Variants in REPS2 observed in about 807,000 individuals in gnomAD.
REPS2 encodes ralBP1-associated Eps domain-containing protein 2.
A neutral mutation model predicts 53.6 loss-of-function variants in REPS2; 23 were observed. The observed-to-expected ratio is 0.43, with a 90% CI of 0.31 to 0.61. The LOEUF (loss-of-function observed/expected upper bound fraction) is 0.61, where lower values mean the gene tolerates loss of function less well. REPS2 is among the 20% of genes least tolerant of loss of function. The probability of loss-of-function intolerance (pLI) is 0.11; values close to 1 mark genes in which losing one functional copy is unlikely to be tolerated. For missense variants in REPS2, 446 were observed against 534.9 expected (o/e 0.83, Z 1.64); for synonymous variants, 238 against 218.6 (o/e 1.09, Z -0.78).
chrX:17,128,399 G>A (rs750806737), intron 14 of REPS2, among the ~76,000 whole-genome samples: 2 of 108,852 alleles, frequency 1.8e-5, no homozygotes, highest in South Asian at 8.4e-4. Flanking sequence ...ATTATAGGCT[G>A]CTGGAGGTGG....
At chrX:16,964,444 C>A (rs1215946752) in intron 1 of REPS2, among the ~76,000 whole-genome samples, 4 of 108,265 alleles carry the variant, frequency 3.7e-5, no homozygotes. Flanking sequence ...CACACAGTCA[C>A]GGCAACCATC....
At chrX:17,188,578 TAGCTCTGGACAGA>T in the REPS2 span, among the ~76,000 whole-genome samples, 1 of 112,207 alleles carries the variant, frequency 8.9e-6, no homozygotes, top group Non-Finnish European at 1.9e-5. Context: ...CAGCCCTGGC[TAGCTCTGGACAGA>T]GGAAAGGAAA....
intron 1 of REPS2, among the ~76,000 whole-genome samples, chrX:16,968,640 C>T (rs778863536): frequency 9.6e-5 from 9 of 93,975 alleles, no homozygotes; most frequent in South Asian, 1.1e-3. Context: ...GCTGGCCGGG[C>T]GGGGGGCTGA....
At chrX:17,132,744 G>C (rs1569195193) in intron 14 of REPS2, among the ~76,000 whole-genome samples, 1 of 111,333 alleles carries the variant, frequency 9.0e-6, no homozygotes, top group Non-Finnish European at 1.9e-5. Context: ...CGCCATGTTG[G>C]TCGGGCTGGT....
intron 1 of REPS2, among the ~76,000 whole-genome samples, chrX:17,004,302 T>G (rs761754784): frequency 1.8e-4 from 20 of 111,577 alleles, no homozygotes; most frequent in African/African-American, 5.9e-4. Context: ...CACCTTATTT[T>G]CTTTAGATAC....
In REPS2 at chrX:17,141,618, C is replaced by T. The variant is rs182376849; in HGVS notation, c.1914+2657C>T. The stretch of plus-strand genomic sequence containing the variant: ...AGATCATTTTCCAAGGTGGTTGTAG[C>T]AATCTGTACTCCTACCACTAATGTA... On this transcript the variant is annotated intron_variant, in intron 17 of 17. Coordinates refer to ENST00000357277, the MANE Select transcript of REPS2 (RefSeq NM_004726.3). 3.5e-3 allele frequency among the ~76,000 whole-genome samples: 395 copies of T among 112,022 alleles called. 3 individuals are homozygous for T. The highest frequency in any genetic ancestry group is 0.012 in the African/African-American group (382 of 30,863).
intron 17 of REPS2, among the ~76,000 whole-genome samples, chrX:17,143,239 T>G (rs1012960004): frequency 8.9e-6 from 1 of 112,317 alleles, no homozygotes; most frequent in Admixed American, 9.4e-5. Context: ...TTTGTGGTGG[T>G]GGTTACACAA....
chrX:16,962,086 A>G (rs1429982132), intron 1 of REPS2, among the ~76,000 whole-genome samples: 2 of 111,779 alleles, frequency 1.8e-5, no homozygotes, highest in Non-Finnish European at 3.8e-5. Flanking sequence ...AAGTGCCTCA[A>G]AAAATTAAAA....
rs759181158 is a variant in REPS2 at position 17,061,508 on chromosome X, A to G, written c.1115-930A>G. ...CCTGATGGGAGTGGGAGGGTGGGGA[A>G]GGATTAAAAACAATGCCAATCCACT... On this transcript the variant is annotated intron_variant, in intron 8 of 17. Transcript: ENST00000357277. Among the ~76,000 whole-genome samples the G allele has an allele frequency of 1.5e-4, 17 of 112,655 alleles. No individual in the cohort carries two copies. In the East Asian group the frequency reaches 4.8e-3, roughly 32 times the overall value.
chrX:17,133,000 T>G (rs5924602), intron 14 of REPS2, among the ~76,000 whole-genome samples: 34,325 of 111,798 alleles, frequency 0.31, 4,852 homozygotes, highest in Middle Eastern at 0.53. Flanking sequence ...TCACCAGAAA[T>G]ACACAGTTAT....
At chrX:17,119,789 C>T (rs1011941892) in intron 14 of REPS2, among the ~76,000 whole-genome samples, 1 of 109,274 alleles carries the variant, frequency 9.2e-6, no homozygotes, top group Non-Finnish European at 1.9e-5. Flanking sequence ...CCCTGGGGGG[C>T]TCAGTTATGG....
intron 1 of REPS2, among the ~76,000 whole-genome samples, chrX:17,001,877 C>T (rs1306911447): frequency 9.0e-6 from 1 of 111,451 alleles, no homozygotes; most frequent in Non-Finnish European, 1.9e-5. Context: ...CACCAGATCT[C>T]ATGAGACTTG....
intron 1 of REPS2, among the ~76,000 whole-genome samples, chrX:16,964,743 G>C (rs2060714521): frequency 2.0e-5 from 2 of 101,698 alleles, no homozygotes; most frequent in African/African-American, 3.6e-5. Context: ...GCCGGGCAGA[G>C]GCGCCCCTCA....
At chrX:17,057,177 ATTAC>A (rs1172907835) in intron 8 of REPS2, among the ~76,000 whole-genome samples, 1 of 112,367 alleles carries the variant, frequency 8.9e-6, no homozygotes, top group Non-Finnish European at 1.9e-5. Flanking sequence ...AGAAACTTTA[ATTAC>A]TTATTAGTAG....
chrX:17,195,734 G>A, the REPS2 span, among the ~76,000 whole-genome samples: 5 of 112,014 alleles, frequency 4.5e-5, no homozygotes, highest in African/African-American at 1.6e-4. Context: ...TTCTGTCCTG[G>A]GAAGACACTT....
intron 13 of REPS2, among the ~76,000 whole-genome samples, chrX:17,079,526 G>A (rs1195969221): frequency 8.9e-6 from 1 of 111,965 alleles, no homozygotes; most frequent in Admixed American, 9.4e-5. Flanking sequence ...TATGTCAGGG[G>A]CTTCTTTAGA....
At chrX:17,046,233 G>T (rs2061904422) in intron 5 of REPS2, among the ~76,000 whole-genome samples, 1 of 108,091 alleles carries the variant, frequency 9.3e-6, no homozygotes, top group South Asian at 4.1e-4. Context: ...CTGCTCCCAG[G>T]TTCAACTTCT....
intron 16 of REPS2, chrX:17,137,632 G>T (rs1242062998): frequency 9.0e-6 from 1 of 111,411 alleles, no homozygotes; most frequent in African/African-American, 3.3e-5. Context: ...TAGAGACAAA[G>T]TCTCACTCTG....
In REPS2 at chrX:17,111,843, A is replaced by G. The variant is rs1039771419; in HGVS notation, c.1578+8064A>G. Among the ~76,000 whole-genome samples, 10 of 112,062 alleles carry G rather than the reference A, an allele frequency of 8.9e-5. No individual in the cohort carries two copies. In the Admixed American group the frequency reaches 9.5e-4, roughly 11 times the overall value. ...GATTCTATTTTGTATTCTCTGTTCA[A>G]GAATTTTTTTTGTAATATAGATAAA... On this transcript the variant is annotated intron_variant, in intron 14 of 17. Coordinates refer to ENST00000357277, the MANE Select transcript of REPS2 (RefSeq NM_004726.3).
Sources: gnomAD v4.1 joint callset for allele counts (sites outside exome capture counted in the v4.1 genomes callset) on GRCh38, gnomAD v4.1.1 for gene constraint, MANE v1.5 for transcripts, NCBI Gene and HGNC (gene_info 2026-07-23, HGNC 2026-07-21) for gene names.